The following RAPGEF4 variants were observed in gnomAD, a reference collection of about 807,000 sequenced individuals.
The protein encoded by RAPGEF4 is Rap guanine nucleotide exchange factor 4.
RAPGEF4 carries 66 observed loss-of-function variants against 147.9 expected under a neutral mutation model. The observed-to-expected ratio is 0.45, with a 90% confidence interval of 0.37 to 0.55. The LOEUF (loss-of-function observed/expected upper bound fraction) is 0.55. Among genes scored for constraint, RAPGEF4 ranks in the 20% least tolerant of loss-of-function variants. RAPGEF4 has a pLI of 0.00. For missense variants in RAPGEF4, 1,071 were observed against 1,257.3 expected (o/e 0.85, Z 2.24); for synonymous variants, 419 against 442.7 (o/e 0.95, Z 0.67).
At chr2:172,899,873 C>T (rs1326835216) in intron 4 of RAPGEF4, among the ~76,000 whole-genome samples, 2 of 152,172 alleles carry the variant, frequency 1.3e-5, no homozygotes, top group African/African-American at 4.8e-5. Flanking sequence ...GGCCGAGCTC[C>T]ATCCCAGCAA....
At chr2:173,051,419 A>G (rs1423292947) in intron 30 of RAPGEF4, among the ~76,000 whole-genome samples, 1 of 152,132 alleles carries the variant, frequency 6.6e-6, no homozygotes, top group East Asian at 1.9e-4. Flanking sequence ...TCAAAGGAGA[A>G]TGATCAAAAG....
rs1485042634 is a variant in RAPGEF4, at chr2:172,911,909, G to A, written c.445-5893G>A. Among the ~76,000 whole-genome samples, 3 of 151,870 alleles carry A rather than the reference G, an allele frequency of 2.0e-5. No homozygotes were observed. The East Asian group carries it at 5.8e-4, about 29-fold the overall frequency. On this transcript the variant is annotated intron_variant, in intron 4 of 30. Coordinates refer to ENST00000397081, the MANE Select transcript of RAPGEF4 (RefSeq NM_007023.4). ...AGCCTCCCCAGTAGCCCGGATTACA[G>A]GTACACGCCACCAGGCCTGGCTAAT...
At chr2:172,774,441 T>C (rs1362299471) in intron 1 of RAPGEF4, among the ~76,000 whole-genome samples, 12 of 152,240 alleles carry the variant, frequency 7.9e-5, no homozygotes, top group Non-Finnish European at 1.6e-4. Flanking sequence ...AACTACTGGC[T>C]GTTCCTGGCC....
chr2:172,809,209 G>A (rs1318841792), intron 3 of RAPGEF4, among the ~76,000 whole-genome samples: 1 of 152,146 alleles, frequency 6.6e-6, no homozygotes, highest in Non-Finnish European at 1.5e-5. Flanking sequence ...GTGTGGGGAG[G>A]GGCCAAGGCT....
intron 17 of RAPGEF4, among the ~76,000 whole-genome samples, chr2:173,005,510 G>GTTTT (rs775192086): frequency 8.8e-6 from 1 of 113,292 alleles, no homozygotes; most frequent in African/African-American, 3.4e-5. Flanking sequence ...TGTTGTTGTT[G>GTTTT]TTGTTTTGTG....
chr2:172,959,908 A>C (rs922986696), intron 6 of RAPGEF4, among the ~76,000 whole-genome samples: 5 of 152,138 alleles, frequency 3.3e-5, no homozygotes, highest in Non-Finnish European at 7.4e-5. Flanking sequence ...TGGGCAACAT[A>C]TCGAGACCTC....
At chr2:172,879,226 T>C (rs1167623169) in intron 4 of RAPGEF4, among the ~76,000 whole-genome samples, 1 of 152,122 alleles carries the variant, frequency 6.6e-6, no homozygotes, top group African/African-American at 2.4e-5. Context: ...CTATAAGCTG[T>C]TTAAAAAACT....
chr2:172,956,068 C>T lies in RAPGEF4; in HGVS notation c.538-4692C>T, dbSNP rs140430008. Reference sequence around the variant, plus strand: ...CTCTGACTTCTGGCTGGAGAGAGATCGGATGCGGGAAGCTCTTGCCTCCCT... The same window carrying T: ...CTCTGACTTCTGGCTGGAGAGAGATTGGATGCGGGAAGCTCTTGCCTCCCT... On this transcript the variant is annotated intron_variant, in intron 6 of 30. Coordinates refer to ENST00000397081, the MANE Select transcript of RAPGEF4 (RefSeq NM_007023.4). Among the ~76,000 whole-genome samples, 8 of 152,304 alleles carry T rather than the reference C, an allele frequency of 5.3e-5. No homozygotes were observed. In the South Asian group the frequency reaches 6.2e-4, roughly 12 times the overall value.
chr2:172,792,663 TG>T (rs1685942142), intron 1 of RAPGEF4, among the ~76,000 whole-genome samples: 1 of 152,204 alleles, frequency 6.6e-6, no homozygotes, highest in Non-Finnish European at 1.5e-5. Context: ...CAGGAAAGCC[TG>T]TATCTTAGGT....
At chr2:173,015,865 C>A (rs761571312) in intron 18 of RAPGEF4, among the ~76,000 whole-genome samples, 1 of 152,148 alleles carries the variant, frequency 6.6e-6, no homozygotes, top group African/African-American at 2.4e-5. Flanking sequence ...AGTCAATAAA[C>A]AATACATACC....
At chr2:172,931,846 T>C (rs1686012871) in intron 6 of RAPGEF4, among the ~76,000 whole-genome samples, 1 of 152,178 alleles carries the variant, frequency 6.6e-6, no homozygotes, top group African/African-American at 2.4e-5. Context: ...AGTGTACAGC[T>C]GCCTAGTAAA....
chr2:172,839,080 A>G (rs1691293362), intron 4 of RAPGEF4, among the ~76,000 whole-genome samples: 1 of 151,968 alleles, frequency 6.6e-6, no homozygotes, highest in South Asian at 2.1e-4. Context: ...ACCTCCATTT[A>G]TATTTTTACT....
Position 172,897,291 on chromosome 2 carries a change from C to T in RAPGEF4, c.445-20511C>T, listed in dbSNP as rs543416682. On this transcript the variant is annotated intron_variant, in intron 4 of 30. Coordinates refer to ENST00000397081, the MANE Select transcript of RAPGEF4 (RefSeq NM_007023.4). ...CATTTTTATTATTCCAAAAAGACAC[C>T]CCACATCCCAGTTAGTACTCTCCTG... 3.3e-5 allele frequency among the ~76,000 whole-genome samples: 5 copies of T among 152,144 alleles called. No homozygotes were observed. The South Asian group carries it at 6.2e-4, about 19-fold the overall frequency.
rs551776883 is a variant in RAPGEF4, at chr2:172,903,522, G to A, written c.445-14280G>A. 2.0e-5 allele frequency among the ~76,000 whole-genome samples: 3 copies of A among 150,764 alleles called. No individual in the cohort carries two copies. The East Asian group carries it at 5.8e-4, about 29-fold the overall frequency. On this transcript the variant is annotated intron_variant, in intron 4 of 30. Coordinates refer to ENST00000397081, the MANE Select transcript of RAPGEF4 (RefSeq NM_007023.4). ...CACTGCATTCCAGCCTGGGCGACAA[G>A]AGTGAAACTCCATCTCAAAAAAAAA...
intron 1 of RAPGEF4, among the ~76,000 whole-genome samples, chr2:172,755,957 A>G (rs1029539211): frequency 1.3e-5 from 2 of 152,112 alleles, no homozygotes; most frequent in Non-Finnish European, 2.9e-5. Flanking sequence ...CTACCACCAT[A>G]CTCAAGATGC....
intron 4 of RAPGEF4, among the ~76,000 whole-genome samples, chr2:172,910,634 G>A (rs1188251523): frequency 6.6e-6 from 1 of 152,230 alleles, no homozygotes; most frequent in Non-Finnish European, 1.5e-5. Context: ...GAGCACCTGG[G>A]GGCTGGAATC....
chr2:172,749,288 C>T (rs1230671956), intron 1 of RAPGEF4, among the ~76,000 whole-genome samples: 2 of 152,186 alleles, frequency 1.3e-5, no homozygotes, highest in South Asian at 2.1e-4. Flanking sequence ...AGGGCCCTGC[C>T]CCTGCAGCAA....
At chr2:172,890,990 G>A (rs1229694043) in intron 4 of RAPGEF4, among the ~76,000 whole-genome samples, 1 of 152,168 alleles carries the variant, frequency 6.6e-6, no homozygotes, top group African/African-American at 2.4e-5. Flanking sequence ...AATTAGCCAG[G>A]TGCGATGGCA....
At chr2:173,007,961 C>T (rs774413628) in intron 17 of RAPGEF4, among the ~76,000 whole-genome samples, 2 of 152,172 alleles carry the variant, frequency 1.3e-5, no homozygotes, top group Admixed American at 6.5e-5. Flanking sequence ...TTATATGATA[C>T]GGTCTGGCTC....
Sources: allele counts gnomAD v4.1 joint callset (sites outside exome capture counted in the v4.1 genomes callset), GRCh38; gene constraint gnomAD v4.1.1; transcripts MANE v1.5; gene names NCBI Gene and HGNC (gene_info 2026-07-23, HGNC 2026-07-21).